MAGI3: variants seen among roughly 807,000 people sequenced by gnomAD.
MAGI3 encodes the protein membrane associated guanylate kinase, WW and PDZ domain containing 3.
Under a neutral mutation model 121.8 loss-of-function variants are expected in MAGI3, and 43 were observed. The ratio of observed to expected loss-of-function variants is 0.35; its 90% CI spans 0.28 to 0.46. The LOEUF (loss-of-function observed/expected upper bound fraction) is 0.46. Among genes scored for constraint, MAGI3 ranks in the 20% least tolerant of loss-of-function variants. MAGI3 has a pLI of 1.00. For missense variants in MAGI3, 1,547 were observed against 1,797.3 expected (o/e 0.86, Z 2.52); for synonymous variants, 553 against 639.3 (o/e 0.86, Z 2.04).
At chr1:113,393,888 G>C (rs575204282) in intron 1 of MAGI3, among the ~76,000 whole-genome samples, 1 of 152,278 alleles carries the variant, frequency 6.6e-6, no homozygotes, top group African/African-American at 2.4e-5. Flanking sequence ...GTCTTGACTA[G>C]TTGCTTTTTA....
intron 1 of MAGI3, among the ~76,000 whole-genome samples, chr1:113,392,829 T>C (rs1348446847): frequency 6.6e-6 from 1 of 152,212 alleles, no homozygotes; most frequent in Non-Finnish European, 1.5e-5. Context: ...CTTTTGGGGC[T>C]GTAATTCAGC....
intron 1 of MAGI3, among the ~76,000 whole-genome samples, chr1:113,454,607 T>C: frequency 6.6e-6 from 1 of 152,170 alleles, no homozygotes; most frequent in East Asian, 1.9e-4. Flanking sequence ...TCAACCCATC[T>C]CTACATTAGG....
intron 1 of MAGI3, among the ~76,000 whole-genome samples, chr1:113,486,673 A>T (rs1186201856): frequency 1.5e-5 from 2 of 135,056 alleles, no homozygotes; most frequent in East Asian, 2.5e-4. Flanking sequence ...TTTTTTTGAG[A>T]CAGGGCCTTG....
chr1:113,637,791 G>C (rs1034756277), intron 9 of MAGI3, among the ~76,000 whole-genome samples: 1 of 152,144 alleles, frequency 6.6e-6, no homozygotes, highest in African/African-American at 2.4e-5. Context: ...TGCTAGGTTG[G>C]GGAAGTTCTG....
intron 2 of MAGI3, among the ~76,000 whole-genome samples, chr1:113,550,959 G>GA (rs757531195): frequency 7.0e-4 from 58 of 82,826 alleles, no homozygotes; most frequent in Middle Eastern, 0.013. Flanking sequence ...TCCCCAACAA[G>GA]AAAAAAAAAA....
At chr1:113,618,745 C>G in intron 7 of MAGI3, 1 of 232,356 alleles carries the variant, frequency 4.3e-6, no homozygotes, top group Non-Finnish European at 8.7e-6. Flanking sequence ...ACCTCGTGAT[C>G]TGCCTGCCTT....
chr1:113,648,049 A>C (rs1411499840), intron 12 of MAGI3, among the ~76,000 whole-genome samples: 1 of 151,584 alleles, frequency 6.6e-6, no homozygotes, highest in Non-Finnish European at 1.5e-5. Flanking sequence ...CAGCCTCCTG[A>C]GTAGCTGGCA....
rs374651122 is a variant in MAGI3 at position 113,590,503 on chromosome 1, T to G, written c.783T>G (p.Ser261=). 1 of 1,613,612 alleles carries G rather than the reference T, an allele frequency of 6.2e-7. No homozygotes were observed. The highest frequency in any genetic ancestry group is 1.3e-5 in the African/African-American group (1 of 74,924). Residue 261 remains serine, a synonymous_variant, in exon 5 of 21, where the codon TCT becomes TCG. Transcript: ENST00000307546. ...SGNAENRERH[S]ESSDWMKTVP... ...TGGCAGAAAACAGAGAGAGGCATTC[T>G]GAGTCATCTGACTGGATGAAGACTG... is the stretch of plus-strand genomic sequence containing the variant.
Position 113,653,936 on chromosome 1 carries a change from C to G in MAGI3, c.2547C>G (p.Pro849=). ...CAGCCAGGCCTGCACCCCAGGAGCCCTATGATGTTGTCTTGCAACGAAAAG... is the reference window on the plus strand; with the variant it reads ...CAGCCAGGCCTGCACCCCAGGAGCCGTATGATGTTGTCTTGCAACGAAAAG... ...EVPARPAPQE[P]YDVVLQRKEN... is the part of the protein sequence containing the mutation. Residue 849 remains proline, a synonymous_variant, in exon 15 of 21, where the codon CCC becomes CCG. Coordinates refer to ENST00000307546, the MANE Select transcript of MAGI3 (RefSeq NM_001142782.2). The G allele has an allele frequency of 1.2e-6, 2 of 1,614,016 alleles. No individual in the cohort carries two copies. Among genetic ancestry groups the G allele is most frequent in the Non-Finnish European group, 1.7e-6 (2 of 1,179,962 alleles).
chr1:113,493,675 C>G (rs894412762), intron 1 of MAGI3, among the ~76,000 whole-genome samples: 1 of 151,726 alleles, frequency 6.6e-6, no homozygotes, highest in Admixed American at 6.6e-5. Flanking sequence ...CTTCGATTTA[C>G]AAGAAAAAGC....
rs534915397 is a variant in MAGI3, at chr1:113,484,874, G to A, written c.317-64641G>A. 3.6e-4 allele frequency among the ~76,000 whole-genome samples: 55 copies of A among 151,088 alleles called. No individual in the cohort carries two copies. The South Asian group carries it at 5.3e-3, about 15-fold the overall frequency. ...CAGGTAGCTGGGACTACAGGTGTGC[G>A]CCACCACGCCCAGCTAATTTTTTTT... On this transcript the variant is annotated intron_variant, in intron 1 of 20. Coordinates refer to ENST00000307546, the MANE Select transcript of MAGI3 (RefSeq NM_001142782.2).
Position 113,585,471 on chromosome 1 carries a change from A to C in MAGI3, c.638A>C (p.Glu213Ala). ...DPVDQVLFDNEFDAESQRKRT... is the reference protein window; with the variant it reads ...DPVDQVLFDNAFDAESQRKRT... The stretch of plus-strand genomic sequence containing the variant: ...GTTGATCAAGTCCTCTTTGATAATG[A>C]GTTTGATGCAGAATCTCAAAGAAAA... The change falls in exon 4 of 21, where the codon GAG becomes GCG. Residue 213 changes from glutamate (E) to alanine (A), a missense_variant. Physicochemically the swap from Glu to Ala is moderately radical, Grantham distance 107 (BLOSUM62 -1). Coordinates refer to ENST00000307546, the MANE Select transcript of MAGI3 (RefSeq NM_001142782.2). The C allele has an allele frequency of 6.2e-7, 1 of 1,614,130 alleles. No individual in the cohort carries two copies.
At chr1:113,481,586 CTG>C (rs1160020200) in intron 1 of MAGI3, among the ~76,000 whole-genome samples, 2 of 151,986 alleles carry the variant, frequency 1.3e-5, no homozygotes, top group Non-Finnish European at 2.9e-5. Flanking sequence ...TTTAGTGCAA[CTG>C]TAACTGGTGG....
chr1:113,430,348 C>T (rs1279736877), intron 1 of MAGI3, among the ~76,000 whole-genome samples: 1 of 152,154 alleles, frequency 6.6e-6, no homozygotes, highest in Non-Finnish European at 1.5e-5. Flanking sequence ...TAACAGAACT[C>T]ATTGATCAGA....
intron 6 of MAGI3, among the ~76,000 whole-genome samples, chr1:113,600,006 TG>T (rs1291099656): frequency 2.6e-5 from 4 of 152,164 alleles, no homozygotes; most frequent in African/African-American, 9.7e-5. Context: ...AAAAGGCCTT[TG>T]AAAAAATTCA....
chr1:113,647,002 A>G (rs939251076), intron 12 of MAGI3, among the ~76,000 whole-genome samples: 1 of 152,238 alleles, frequency 6.6e-6, no homozygotes, highest in Non-Finnish European at 1.5e-5. Flanking sequence ...GTACAGTGAT[A>G]GAAAGATGAA....
chr1:113,552,861 T>C (rs903110629), intron 2 of MAGI3, among the ~76,000 whole-genome samples: 1 of 152,196 alleles, frequency 6.6e-6, no homozygotes, highest in Non-Finnish European at 1.5e-5. Flanking sequence ...TCTCTAAATA[T>C]CATACTTTCC....
At chr1:113,543,791 C>T (rs1351418536) in intron 1 of MAGI3, among the ~76,000 whole-genome samples, 2 of 151,872 alleles carry the variant, frequency 1.3e-5, no homozygotes, top group Non-Finnish European at 2.9e-5. Context: ...TTGCTGGAGC[C>T]CCCGAGGCGG....
intron 1 of MAGI3, among the ~76,000 whole-genome samples, chr1:113,517,144 T>C (rs1191855075): frequency 1.3e-5 from 2 of 151,772 alleles, no homozygotes; most frequent in South Asian, 2.1e-4. Context: ...GGTAAAAAAT[T>C]AGGAAATTTG....
Sources: allele counts gnomAD v4.1 joint callset (sites outside exome capture counted in the v4.1 genomes callset), GRCh38; gene constraint gnomAD v4.1.1; transcripts MANE v1.5; gene names NCBI Gene and HGNC (gene_info 2026-07-23, HGNC 2026-07-21).